Variants in PICALM observed in about 807,000 individuals in gnomAD.
PICALM encodes the protein phosphatidylinositol binding clathrin assembly protein, also known as phosphatidylinositol-binding clathrin assembly protein.
Under a neutral mutation model 80.5 loss-of-function variants are expected in PICALM, and 40 were observed. The ratio of observed to expected loss-of-function variants is 0.50; its 90% CI spans 0.39 to 0.65. The LOEUF (loss-of-function observed/expected upper bound fraction) is 0.65. PICALM is among the 30% of genes least tolerant of loss of function. The probability of loss-of-function intolerance (pLI) is 0.00; values close to 1 mark genes in which losing one functional copy is unlikely to be tolerated. For missense variants in PICALM, 676 were observed against 778.9 expected (o/e 0.87, Z 1.57); for synonymous variants, 288 against 260.3 (o/e 1.11, Z -1.02).
At chr11:86,050,224 A>AAAAAAAAAC (rs2096160184) in intron 1 of PICALM, among the ~76,000 whole-genome samples, 1 of 151,078 alleles carries the variant, frequency 6.6e-6, no homozygotes, top group Non-Finnish European at 1.5e-5. Context: ...AAAAAAAAAA[A>AAAAAAAAAC]ACTATATCAG....
At chr11:86,051,840 G>A (rs189418211) in intron 1 of PICALM, among the ~76,000 whole-genome samples, 30 of 152,134 alleles carry the variant, frequency 2.0e-4, no homozygotes, top group East Asian at 9.7e-4. Context: ...GTTCTTCATC[G>A]CCATCTAAAT....
intron 10 of PICALM, 40 bp from the exon 11 acceptor site, chr11:86,000,819 A>G (rs1207647029): frequency 2.5e-6 from 4 of 1,594,196 alleles, no homozygotes; most frequent in Non-Finnish European, 2.6e-6. Flanking sequence ...TCCAGAAACC[A>G]GATTTCTTTG....
intron 4 of PICALM, among the ~76,000 whole-genome samples, chr11:86,017,095 C>T (rs895665945): frequency 1.2e-4 from 19 of 152,120 alleles, no homozygotes; most frequent in African/African-American, 4.6e-4. Context: ...CAGTGGCATG[C>T]GCCTATAGTC....
intron 1 of PICALM, among the ~76,000 whole-genome samples, chr11:86,049,905 C>T (rs2096150307): frequency 6.6e-6 from 1 of 151,452 alleles, no homozygotes; most frequent in African/African-American, 2.4e-5. Context: ...AAAGATTATT[C>T]TAAACTACAT....
At chr11:85,999,340 T>G (rs940653544) in intron 11 of PICALM, among the ~76,000 whole-genome samples, 19 of 152,200 alleles carry the variant, frequency 1.2e-4, no homozygotes, top group African/African-American at 4.3e-4. Context: ...TTGCCCTTAA[T>G]TACTATTAAA....
chr11:86,062,869 G>C (rs2096389582), intron 1 of PICALM, among the ~76,000 whole-genome samples: 2 of 152,170 alleles, frequency 1.3e-5, no homozygotes, highest in South Asian at 4.1e-4. Flanking sequence ...TACTAAGACA[G>C]AACACAAAGT....
At chr11:85,960,139 T>C (rs936877937) in intron 19 of PICALM, among the ~76,000 whole-genome samples, 12 of 152,202 alleles carry the variant, frequency 7.9e-5, no homozygotes, top group African/African-American at 2.9e-4. Context: ...TAAAAATATT[T>C]TTCAATAGGG....
chr11:86,015,149 C>T (rs1010571196), intron 4 of PICALM, among the ~76,000 whole-genome samples, 186 bp from the exon 5 acceptor site: 6 of 151,910 alleles, frequency 3.9e-5, no homozygotes, highest in Non-Finnish European at 1.5e-5. Context: ...ACAGGCAACA[C>T]AATATGTCAA....
In PICALM at chr11:85,976,640, T is replaced by C. The variant is rs760045537; in HGVS notation, c.1822A>G (p.Met608Val). Reference sequence around the variant, plus strand: ...ATACTTACAATTCCATATCCTATCATGCCTGTTGGTGTAGTAGCAGGATAG... The same window carrying C: ...ATACTTACAATTCCATATCCTATCACGCCTGTTGGTGTAGTAGCAGGATAG... ...MAYPATTPTG[M>V]IGYGIPPQMG... Residue 608 changes from methionine to valine, a missense_variant, in exon 18 of 20, where the codon ATG becomes GTG. Met to Val is a conservative substitution (Grantham distance 21, BLOSUM62 1). Around this residue, in one of 2 missense-constraint regions of PICALM, gnomAD observed 391 missense variants for 383.6 expected, o/e 1.02. Coordinates refer to ENST00000393346, the MANE Select transcript of PICALM (RefSeq NM_007166.4). 4 of 1,601,244 alleles carry C rather than the reference T, an allele frequency of 2.5e-6. No homozygotes were observed. Among genetic ancestry groups the C allele is most frequent in the Non-Finnish European group, 3.4e-6 (4 of 1,168,534 alleles).
At position 86,050,349 on chromosome 11, in the gene PICALM, G is replaced by C. The variant is rs569309982; in HGVS notation, c.130+18302C>G. On this transcript the variant is annotated intron_variant, in intron 1 of 19. Coordinates refer to ENST00000393346, the MANE Select transcript of PICALM (RefSeq NM_007166.4). Reference sequence around the variant, plus strand: ...AGATGTACATGTACTGCAAGTAAAAGCAAACTTTTCTGGCTCTTAATGGTT... The same window carrying C: ...AGATGTACATGTACTGCAAGTAAAACCAAACTTTTCTGGCTCTTAATGGTT... Among the ~76,000 whole-genome samples the C allele has an allele frequency of 9.9e-5, 15 of 150,938 alleles. No homozygotes were observed. The South Asian group carries it at 2.5e-3, about 25-fold the overall frequency.
intron 1 of PICALM, among the ~76,000 whole-genome samples, chr11:86,035,960 A>AAG (rs1555118004): frequency 2.7e-5 from 4 of 150,624 alleles, no homozygotes; most frequent in Non-Finnish European, 4.4e-5. Flanking sequence ...AAAAAAAAAA[A>AAG]AAAAAGAAAA....
intron 4 of PICALM, among the ~76,000 whole-genome samples, chr11:86,015,743 T>C (rs1303627037): frequency 6.6e-6 from 1 of 152,248 alleles, no homozygotes; most frequent in African/African-American, 2.4e-5. Flanking sequence ...CCTATCATTT[T>C]CAAATCCTCA....
intron 2 of PICALM, among the ~76,000 whole-genome samples, chr11:86,027,772 T>C (rs2095672740): frequency 6.6e-6 from 1 of 152,114 alleles, no homozygotes; most frequent in African/African-American, 2.4e-5. Context: ...CCTCCCGCCT[T>C]GGCCCCCCAA....
chr11:86,036,581 C>T (rs193078418), intron 1 of PICALM, among the ~76,000 whole-genome samples: 2 of 152,094 alleles, frequency 1.3e-5, no homozygotes, highest in African/African-American at 4.8e-5. Flanking sequence ...AATCAGATGG[C>T]TTTTAGAACA....
intron 19 of PICALM, among the ~76,000 whole-genome samples, chr11:85,963,925 T>TTG (rs984241838): frequency 1.4e-5 from 2 of 139,404 alleles, no homozygotes; most frequent in Non-Finnish European, 3.0e-5. Flanking sequence ...CCTGGCTTTT[T>TTG]TTTTTTTTTT....
intron 2 of PICALM, among the ~76,000 whole-genome samples, chr11:86,030,928 C>A (rs1214331216): frequency 6.6e-6 from 1 of 151,984 alleles, no homozygotes; most frequent in African/African-American, 2.4e-5. Flanking sequence ...CAGCCTAAGC[C>A]AAGATGGAAA....
intron 18 of PICALM, among the ~76,000 whole-genome samples, chr11:85,976,206 C>A (rs1358764021): frequency 1.3e-5 from 2 of 152,124 alleles, no homozygotes; most frequent in East Asian, 3.9e-4. Context: ...CTGTAATAAT[C>A]ATTGTCACAG....
chr11:86,043,552 T>C (rs778552437), intron 1 of PICALM, among the ~76,000 whole-genome samples: 1 of 152,228 alleles, frequency 6.6e-6, no homozygotes. Context: ...TTTGTTTTAA[T>C]TAATAACACT....
Position 86,026,285 on chromosome 11 carries a change from T to A in PICALM, c.349+7A>T. On this transcript the variant is annotated splice_region_variant and intron_variant, in intron 3 of 19. Coordinates refer to ENST00000393346, the MANE Select transcript of PICALM (RefSeq NM_007166.4). ...TTGATTTTCTATAATGTAAAAGTTA[T>A]CTTTACCTTGCAATCCACTTTTATC... 1 of 1,491,374 alleles carries A rather than the reference T, an allele frequency of 6.7e-7. No homozygotes were observed. Among genetic ancestry groups the A allele is most frequent in the Non-Finnish European group, 9.3e-7 (1 of 1,071,868 alleles). 92.4% of individuals were successfully genotyped at this position (1,491,374 alleles called of 1,614,324 possible).
Sources: allele counts gnomAD v4.1 joint callset (sites outside exome capture counted in the v4.1 genomes callset), GRCh38; gene constraint gnomAD v4.1.1; regional missense constraint gnomAD v4.1.1; transcripts MANE v1.5; gene names NCBI Gene and HGNC (gene_info 2026-07-23, HGNC 2026-07-21).